Variants in GOLGB1 observed in about 807,000 individuals in gnomAD.
GOLGB1 encodes the protein golgin subfamily B member 1.
Under a neutral mutation model 336.9 loss-of-function variants are expected in GOLGB1, and 174 were observed. That is an observed-to-expected ratio of 0.52 (90% CI 0.46 to 0.59). The LOEUF is 0.59. Ranked by LOEUF, GOLGB1 falls within the 20% of genes least tolerant of loss-of-function variation. The pLI, the probability that GOLGB1 is intolerant of heterozygous loss-of-function variation, is 0.00. For synonymous variants in GOLGB1, 1,208 were observed against 1,289.2 expected, an observed-to-expected ratio of 0.94 and a Z score of 1.35; for missense variants, 3,331 against 3,645.3, an observed-to-expected ratio of 0.91 and a Z score of 2.22.
At chr3:121,717,170 T>C (rs772376205) in intron 8 of GOLGB1, 31 bp from the exon 9 acceptor site, 1 of 1,522,424 alleles carries the variant, frequency 6.6e-7, no homozygotes, top group Non-Finnish European at 8.9e-7. Flanking sequence ...TCATGAGCCA[T>C]AAATACATTA....
chr3:121,719,691 A>G lies in GOLGB1; in HGVS notation c.726T>C (p.Leu242=). The G allele has an allele frequency of 1.2e-6, 2 of 1,611,218 alleles. No homozygotes were observed. The highest frequency in any genetic ancestry group is 1.7e-6 in the Non-Finnish European group (2 of 1,178,516). The change falls in exon 7 of 22, where the codon CTT becomes CTC. Residue 242 remains leucine (L), a synonymous_variant. Transcript: ENST00000614479. ...CATCTGCCTGGGTTACTAACTGAAG[A>G]AGCTCATCTTCATGAAGACGAACTT... ...ETQVRLHEDE[L]LQLVTQADVE... is the part of the protein sequence containing the mutation.
chr3:121,664,366 T>G lies in GOLGB1; in HGVS notation c.*114A>C, dbSNP rs1576231865. The G allele has an allele frequency of 1.1e-6, 1 of 951,570 alleles. No homozygotes were observed. Among genetic ancestry groups the G allele is most frequent in the East Asian group, 2.5e-5 (1 of 40,126 alleles). The allele number at this position is 951,570 out of a possible 1,614,324, so 58.9% of individuals were successfully genotyped here. On this transcript the variant is annotated 3_prime_UTR_variant, in exon 22 of 22. Coordinates refer to ENST00000614479, the MANE Select transcript of GOLGB1 (RefSeq NM_001366282.2). Reference sequence around the variant, plus strand: ...TTTTGCAGGCACTTTCCGTGAAGAGTTGGAGAGAAGACCTGTAAATGGGAA... The same window carrying G: ...TTTTGCAGGCACTTTCCGTGAAGAGGTGGAGAGAAGACCTGTAAATGGGAA...
intron 12 of GOLGB1, 58 bp from the exon 13 acceptor site, chr3:121,698,987 T>C (rs1943179617): frequency 3.1e-6 from 4 of 1,284,368 alleles, no homozygotes; most frequent in Admixed American, 2.5e-5. Flanking sequence ...ATTAAAAAAA[T>C]AGCCCAACTA....
chr3:121,729,937 T>C lies in GOLGB1; in HGVS notation c.177A>G (p.Gln59=). The C allele has an allele frequency of 6.2e-7, 1 of 1,609,344 alleles. No homozygotes were observed. ...TAATATCTTTTAGCTCCACCACCAA[T>C]TGCTCTGCATAAGCCAGGCGCTCCT... ...DVQERLAYAE[Q]LVVELKDIIR... Residue 59 remains glutamine (Q), a synonymous_variant, in exon 3 of 22, where the codon CAA becomes CAG. Coordinates refer to ENST00000614479, the MANE Select transcript of GOLGB1 (RefSeq NM_001366282.2).
chr3:121,747,721 T>C (rs749240997), intron 1 of GOLGB1, among the ~76,000 whole-genome samples: 2 of 152,028 alleles, frequency 1.3e-5, no homozygotes, highest in Admixed American at 6.5e-5. Flanking sequence ...GTTTCTTAAA[T>C]ATAACCAAGA....
Position 121,695,573 on chromosome 3 carries a change from T to C in GOLGB1, c.4950A>G (p.Glu1650=). The change falls in exon 13 of 22, where the codon GAA becomes GAG. Residue 1650 remains glutamate (E), a synonymous_variant. Transcript: ENST00000614479. ...VVEAVRQEKQ[E]LYGKLRSTEA... ...CTGTGCTTCTTAACTTGCCATACAGTTCTTGTTTCTCTTGCCTCACAGCTT... is the reference window on the plus strand; with the variant it reads ...CTGTGCTTCTTAACTTGCCATACAGCTCTTGTTTCTCTTGCCTCACAGCTT... 1 of 1,614,136 alleles carries C rather than the reference T, an allele frequency of 6.2e-7. No homozygotes were observed. The highest frequency in any genetic ancestry group is 8.5e-7 in the Non-Finnish European group (1 of 1,180,028).
intron 14 of GOLGB1, among the ~76,000 whole-genome samples, chr3:121,682,368 T>A (rs1941178084): frequency 6.6e-6 from 1 of 152,110 alleles, no homozygotes; most frequent in South Asian, 2.1e-4. Context: ...ATCCTACTAC[T>A]TCTTGGACGT....
chr3:121,674,192 G>A lies in GOLGB1; in HGVS notation c.9177+2701C>T, dbSNP rs1940000324. 2.6e-5 allele frequency among the ~76,000 whole-genome samples: 4 copies of A among 151,548 alleles called. No individual in the cohort carries two copies. In the South Asian group the frequency reaches 8.3e-4, roughly 31 times the overall value. On this transcript the variant is annotated intron_variant, in intron 17 of 21. Coordinates refer to ENST00000614479, the MANE Select transcript of GOLGB1 (RefSeq NM_001366282.2). ...TTCTAAGTATAAGGTCATATCATCT[G>A]CAAAAAAGGCTAATTTGACCTCTTC...
intron 1 of GOLGB1, among the ~76,000 whole-genome samples, chr3:121,737,047 T>C (rs1946522693): frequency 6.6e-6 from 1 of 152,222 alleles, no homozygotes; most frequent in Admixed American, 6.5e-5. Context: ...TTCTCTGTTT[T>C]GAAAAAGCTA....
rs541623408 is a variant in GOLGB1 at position 121,700,600 on chromosome 3, A to C, written c.1520-715T>G. 1.3e-4 allele frequency among the ~76,000 whole-genome samples: 20 copies of C among 152,144 alleles called. No homozygotes were observed. The South Asian group carries it at 3.5e-3, about 27-fold the overall frequency. On this transcript the variant is annotated intron_variant, in intron 11 of 21. Transcript: ENST00000614479. Reference sequence around the variant, plus strand: ...GACCTACAGGAACCCTCATGCTTTGACCCTACTAATTCTCCAACCTCCTCT... The same window carrying C: ...GACCTACAGGAACCCTCATGCTTTGCCCCTACTAATTCTCCAACCTCCTCT...
At position 121,695,866 on chromosome 3, in the gene GOLGB1, T is replaced by C; in HGVS notation, c.4657A>G (p.Arg1553Gly). The change falls in exon 13 of 22, where the codon AGA (arginine) becomes GGA (glycine). Residue 1553 changes from arginine to glycine, a missense_variant. Physicochemically the swap from Arg to Gly is moderately radical, Grantham distance 125 (BLOSUM62 -2). Transcript: ENST00000614479. ...TCCATTTCTGTAATGAGTTTGTCTC[T>C]TTCTTCTTGAAGAAGAGCTAACCTT... ...LGRLALLQEE[R>G]DKLITEMDRS... 1.2e-6 allele frequency: 2 copies of C among 1,613,904 alleles called. No homozygotes were observed. The highest frequency in any genetic ancestry group is 1.7e-6 in the Non-Finnish European group (2 of 1,179,752).
chr3:121,686,234 T>C (rs191632527), intron 14 of GOLGB1, among the ~76,000 whole-genome samples: 171 of 152,306 alleles, frequency 1.1e-3, no homozygotes, highest in African/African-American at 4.0e-3. Context: ...GTGATTTTTC[T>C]TTCTCCTTTT....
At chr3:121,732,507 A>G (rs890242809) in intron 1 of GOLGB1, among the ~76,000 whole-genome samples, 3 of 152,202 alleles carry the variant, frequency 2.0e-5, no homozygotes, top group African/African-American at 7.2e-5. Context: ...CCAGTAATAT[A>G]TAAAAAGATA....
At position 121,677,372 on chromosome 3, in the gene GOLGB1, CTGATCT is replaced by C. The variant is rs1252721688; in HGVS notation, c.8946_8951del (p.Asp2983_Gln2984del). ...TAAGATTCTGCAGATGACTGAGCTG[CTGATCT>C]TTATCTGAGATAGCCATAAGGTACT... On this transcript the variant is annotated inframe_deletion, in exon 16 of 22. Transcript: ENST00000614479. 6 of 1,606,196 alleles carry C rather than the reference CTGATCT, an allele frequency of 3.7e-6. No individual in the cohort carries two copies. The highest frequency in any genetic ancestry group is 3.4e-6 in the Non-Finnish European group (4 of 1,172,884).
At chr3:121,723,629 T>A (rs1281367797) in intron 5 of GOLGB1, among the ~76,000 whole-genome samples, 1 of 152,204 alleles carries the variant, frequency 6.6e-6, no homozygotes, top group African/African-American at 2.4e-5. Context: ...AATATTTCCC[T>A]ATTGATGGGC....
Position 121,718,451 on chromosome 3 carries a change from C to A in GOLGB1, c.822G>T (p.Val274=), listed in dbSNP as rs753704130. The change falls in exon 8 of 22, where the codon GTG becomes GTT. Residue 274 remains valine (V), a synonymous_variant. Transcript: ENST00000614479. ...GCAAGTCAACGACCTGAGCACGGCC[C>A]ACCAAGGATTCTTCGTGTTCCTCAA... ...RKLEEHEESL[V]GRAQVVDLLQ... is the part of the protein sequence containing the mutation. The A allele has an allele frequency of 3.1e-6, 5 of 1,614,080 alleles. No individual in the cohort carries two copies. Among genetic ancestry groups the A allele is most frequent in the Non-Finnish European group, 4.2e-6 (5 of 1,179,916 alleles).
intron 13 of GOLGB1, among the ~76,000 whole-genome samples, chr3:121,692,797 A>G (rs55930520): frequency 0.1 from 15,775 of 152,274 alleles, 898 homozygotes; most frequent in South Asian, 0.16. Context: ...AAGGGTTCAT[A>G]TATTTAAGTC....
chr3:121,665,492 A>C (rs1035191176), intron 20 of GOLGB1, among the ~76,000 whole-genome samples: 1 of 152,132 alleles, frequency 6.6e-6, no homozygotes, highest in Admixed American at 6.5e-5. Context: ...TTTTTCTTTT[A>C]TTAAAGGCTA....
intron 10 of GOLGB1, among the ~76,000 whole-genome samples, chr3:121,703,179 T>C (rs1480142476): frequency 2.0e-5 from 3 of 152,214 alleles, no homozygotes; most frequent in Non-Finnish European, 4.4e-5. Flanking sequence ...TTTGTATATA[T>C]TTTTTATTCT....
Sources: allele counts gnomAD v4.1 joint callset (sites outside exome capture counted in the v4.1 genomes callset), GRCh38; gene constraint gnomAD v4.1.1; transcripts MANE v1.5; gene names NCBI Gene and HGNC (gene_info 2026-07-23, HGNC 2026-07-21).